Variants in VPS45 observed in about 807,000 individuals in gnomAD.
The protein encoded by VPS45 is vacuolar protein sorting-associated protein 45.
VPS45 carries 35 observed loss-of-function variants against 75.9 expected under a neutral mutation model. The observed-to-expected ratio is 0.46, with a 90% confidence interval of 0.35 to 0.61. The LOEUF is 0.61. Ranked by LOEUF, VPS45 falls within the 20% of genes least tolerant of loss-of-function variation. The pLI is 0.00. For missense variants in VPS45, 559 were observed against 685.9 expected, an observed-to-expected ratio of 0.81 and a Z score of 2.07; for synonymous variants, 220 against 238.2, an observed-to-expected ratio of 0.92 and a Z score of 0.70.
At position 150,091,982 on chromosome 1, in the gene VPS45, G is replaced by GCTGCC; in HGVS notation, c.1152_1156dup (p.Arg386LeufsTer5). 6.2e-7 allele frequency: 1 copy of GCTGCC among 1,614,104 alleles called. No individual in the cohort carries two copies. Among genetic ancestry groups the GCTGCC allele is most frequent in the Non-Finnish European group, 8.5e-7 (1 of 1,180,004 alleles). On this transcript the variant is annotated frameshift_variant, in exon 11 of 15. Coordinates refer to ENST00000644510, the MANE Select transcript of VPS45 (RefSeq NM_007259.5). LOFTEE classifies it high-confidence loss of function. Reference sequence around the variant, plus strand: ...GAACCCCAAAGTGACAGAGTTTGATGCTGCCCGCCTGGTGATGCTTTATGC... The same window carrying GCTGCC: ...GAACCCCAAAGTGACAGAGTTTGATGCTGCCCTGCCCGCCTGGTGATGCTTTATGC...
chr1:150,077,584 A>G (rs782554341), intron 6 of VPS45, 85 bp from the exon 7 acceptor site: 2 of 952,906 alleles, frequency 2.1e-6, no homozygotes, highest in East Asian at 5.2e-5. Context: ...CTATTGTTAA[A>G]TGTAGTGTTT....
intron 7 of VPS45, among the ~76,000 whole-genome samples, chr1:150,081,132 C>T (rs587717586): frequency 6.6e-6 from 1 of 152,246 alleles, no homozygotes; most frequent in East Asian, 1.9e-4. Context: ...AGTATGAAAT[C>T]TAAAAGTATT....
chr1:150,135,520 C>T (rs1413248009), intron 14 of VPS45, among the ~76,000 whole-genome samples: 3 of 152,090 alleles, frequency 2.0e-5, no homozygotes, highest in African/African-American at 7.2e-5. Flanking sequence ...CCCTCCTCGG[C>T]CTCCCAAAGT....
intron 14 of VPS45, among the ~76,000 whole-genome samples, chr1:150,127,170 A>G (rs1658561792): frequency 6.6e-6 from 1 of 152,202 alleles, no homozygotes; most frequent in Non-Finnish European, 1.5e-5. Flanking sequence ...GAAAGATAAT[A>G]TTTTGGATAT....
chr1:150,128,482 A>G (rs924109742), intron 14 of VPS45, among the ~76,000 whole-genome samples: 1 of 152,250 alleles, frequency 6.6e-6, no homozygotes, highest in African/African-American at 2.4e-5. Flanking sequence ...ATTTCTATAC[A>G]TAAGTTTGAG....
chr1:150,121,919 G>C (rs1419380617), intron 14 of VPS45, among the ~76,000 whole-genome samples: 1 of 152,136 alleles, frequency 6.6e-6, no homozygotes, highest in South Asian at 2.1e-4. Context: ...TAGATGCAGT[G>C]GGGGGGCAGG....
At chr1:150,077,507 A>T (rs1411797951) in intron 6 of VPS45, 162 bp from the exon 7 acceptor site, 1 of 681,598 alleles carries the variant, frequency 1.5e-6, no homozygotes, top group East Asian at 2.7e-5. Flanking sequence ...CCTCTTAAAT[A>T]GTATGCTACT....
chr1:150,116,285 G>A (rs919707921), intron 14 of VPS45, among the ~76,000 whole-genome samples: 1 of 152,258 alleles, frequency 6.6e-6, no homozygotes, highest in Non-Finnish European at 1.5e-5. Context: ...ATATTTTTGA[G>A]CACAGAAGTG....
intron 13 of VPS45, among the ~76,000 whole-genome samples, chr1:150,096,129 G>A (rs1359011409): frequency 1.3e-5 from 2 of 152,148 alleles, no homozygotes; most frequent in African/African-American, 2.4e-5. Context: ...GAGTTTTGTT[G>A]TTCAGTTGGA....
At chr1:150,076,353 CT>C in intron 4 of VPS45, 41 bp downstream of exon 4, 7 of 1,482,738 alleles carry the variant, frequency 4.7e-6, no homozygotes, top group East Asian at 2.4e-5. Context: ...TATGTTGGCC[CT>C]TTTTAAATAT....
chr1:150,132,643 C>G (rs1320430984), intron 14 of VPS45, among the ~76,000 whole-genome samples: 1 of 152,176 alleles, frequency 6.6e-6, no homozygotes, highest in Non-Finnish European at 1.5e-5. Flanking sequence ...CTAAGTGGAA[C>G]CTGTTACTTA....
intron 14 of VPS45, among the ~76,000 whole-genome samples, chr1:150,111,256 A>G (rs1431418855): frequency 2.0e-5 from 3 of 152,224 alleles, no homozygotes; most frequent in African/African-American, 7.2e-5. Flanking sequence ...ATAGTATATT[A>G]GCTGAGCCTT....
intron 10 of VPS45, among the ~76,000 whole-genome samples, chr1:150,089,822 A>G (rs1422991269): frequency 6.6e-6 from 1 of 152,226 alleles, no homozygotes; most frequent in Non-Finnish European, 1.5e-5. Context: ...GAAAGATCCC[A>G]TGAAAGGAAA....
At chr1:150,110,292 A>T in intron 13 of VPS45, 1 of 478,530 alleles carries the variant, frequency 2.1e-6, no homozygotes, top group South Asian at 3.7e-5. Flanking sequence ...ATAAACAGAA[A>T]GCAAATCACT....
chr1:150,124,545 C>CT (rs1172674927), intron 14 of VPS45, among the ~76,000 whole-genome samples: 142,905 of 142,942 alleles, frequency 1, 71,434 homozygotes, highest in Middle Eastern at 1. Flanking sequence ...GGCTTTTTTT[C>CT]TTTTTTCTTT....
intron 13 of VPS45, among the ~76,000 whole-genome samples, chr1:150,095,813 G>A (rs587648187): frequency 1.8e-4 from 27 of 152,198 alleles, no homozygotes; most frequent in South Asian, 4.1e-4. Context: ...ATCGGTTCTC[G>A]AAGACCCTAG....
chr1:150,120,509 C>A (rs933167968), intron 14 of VPS45, among the ~76,000 whole-genome samples: 10 of 152,096 alleles, frequency 6.6e-5, no homozygotes, highest in Admixed American at 6.5e-4. Context: ...AAGGAGTCAC[C>A]TGAAGATATA....
intron 13 of VPS45, among the ~76,000 whole-genome samples, chr1:150,106,288 A>T (rs938422209): frequency 3.3e-5 from 5 of 152,220 alleles, no homozygotes; most frequent in African/African-American, 2.4e-5. Flanking sequence ...GCTTCTGCAC[A>T]GCAAAAGAAA....
At chr1:150,074,756 A>G (rs1382979319) in intron 3 of VPS45, among the ~76,000 whole-genome samples, 1 of 152,146 alleles carries the variant, frequency 6.6e-6, no homozygotes, top group Non-Finnish European at 1.5e-5. Flanking sequence ...TTCAACAATT[A>G]TTGAGCCTCA....
Sources: gnomAD v4.1 joint callset for allele counts (sites outside exome capture counted in the v4.1 genomes callset) on GRCh38, gnomAD v4.1.1 for gene constraint, MANE v1.5 for transcripts, NCBI Gene and HGNC (gene_info 2026-07-23, HGNC 2026-07-21) for gene names.